Variants in SHISA6 observed in about 807,000 individuals in gnomAD.
SHISA6 encodes the protein protein shisa-6.
A neutral mutation model predicts 47.9 loss-of-function variants in SHISA6; 22 were observed. That is an observed-to-expected ratio of 0.46 (90% CI 0.33 to 0.66). SHISA6 has a LOEUF of 0.66. Ranked by LOEUF, SHISA6 falls within the 30% of genes least tolerant of loss-of-function variation. The probability of loss-of-function intolerance (pLI) is 0.02; values close to 1 mark genes in which losing one functional copy is unlikely to be tolerated. For missense variants in SHISA6, 680 were observed against 764.6 expected (o/e 0.89, Z 1.30); for synonymous variants, 388 against 337.8 (o/e 1.15, Z -1.63).
intron 3 of SHISA6, among the ~76,000 whole-genome samples, chr17:11,500,366 A>G (rs1221074754): frequency 6.6e-6 from 1 of 152,184 alleles, no homozygotes; most frequent in Non-Finnish European, 1.5e-5. Context: ...TTCCCATTGC[A>G]GTCTCTGTAA....
At chr17:11,555,335 C>T (rs1267921529) in intron 4 of SHISA6, among the ~76,000 whole-genome samples, 1 of 152,086 alleles carries the variant, frequency 6.6e-6, no homozygotes, top group African/African-American at 2.4e-5. Flanking sequence ...CAAGATTTTT[C>T]TGAGCCTGAG....
chr17:11,478,851 G>T (rs954120599), intron 3 of SHISA6, among the ~76,000 whole-genome samples: 5 of 144,370 alleles, frequency 3.5e-5, no homozygotes, highest in African/African-American at 1.3e-4. Context: ...AAGTCAGGTA[G>T]TGTGATGCCT....
In SHISA6 at chr17:11,374,357, T is replaced by A. The variant is rs559538563; in HGVS notation, c.800-5057T>A. 2.6e-5 allele frequency among the ~76,000 whole-genome samples: 4 copies of A among 152,338 alleles called. No individual in the cohort carries two copies. The East Asian group carries it at 7.7e-4, about 29-fold the overall frequency. The stretch of plus-strand genomic sequence containing the variant: ...TTTTGATGTACCACAGTTTAAAATT[T>A]TTTTTTGTTTTCTCTCTAGTTTTTG... On this transcript the variant is annotated intron_variant, in intron 2 of 5. Coordinates refer to ENST00000441885, the MANE Select transcript of SHISA6 (RefSeq NM_207386.4).
At chr17:11,407,997 C>T (rs1341607467) in intron 3 of SHISA6, among the ~76,000 whole-genome samples, 1 of 152,116 alleles carries the variant, frequency 6.6e-6, no homozygotes, top group Admixed American at 6.5e-5. Flanking sequence ...CATTTCTTCC[C>T]CGACACCATC....
rs138661902 is a variant in SHISA6, at chr17:11,555,988, G to A, written c.1105+96G>A. 204 of 1,349,212 alleles carry A rather than the reference G, an allele frequency of 1.5e-4. No homozygotes were observed. In the African/African-American group the frequency reaches 2.8e-3, roughly 18 times the overall value. 83.6% of individuals were successfully genotyped at this position (1,349,212 alleles called of 1,614,324 possible). ...TTGCTCCATACCCCATAGGACAGCTGTCAAATCCCAAGAATAAAGAAGGAG... is the reference window on the plus strand; with the variant it reads ...TTGCTCCATACCCCATAGGACAGCTATCAAATCCCAAGAATAAAGAAGGAG... On this transcript the variant is annotated intron_variant, in intron 5 of 5. Coordinates refer to ENST00000441885, the MANE Select transcript of SHISA6 (RefSeq NM_207386.4).
intron 2 of SHISA6, among the ~76,000 whole-genome samples, chr17:11,299,449 C>T (rs866364324): frequency 7.9e-5 from 12 of 151,906 alleles, no homozygotes; most frequent in East Asian, 1.9e-4. Context: ...AACAAATTAC[C>T]GCAGATTTAA....
chr17:11,472,131 C>T (rs2142322835), intron 3 of SHISA6, among the ~76,000 whole-genome samples: 1 of 152,246 alleles, frequency 6.6e-6, no homozygotes, highest in Non-Finnish European at 1.5e-5. Context: ...GATCTTTTTA[C>T]TATTTACATG....
At chr17:11,467,566 C>A (rs1318201263) in intron 3 of SHISA6, among the ~76,000 whole-genome samples, 1 of 152,142 alleles carries the variant, frequency 6.6e-6, no homozygotes, top group Non-Finnish European at 1.5e-5. Flanking sequence ...ATTGTGATAT[C>A]CAAATCTAAT....
intron 2 of SHISA6, among the ~76,000 whole-genome samples, chr17:11,297,800 C>T (rs540590213): frequency 1.3e-5 from 2 of 152,258 alleles, no homozygotes; most frequent in South Asian, 4.2e-4. Context: ...GGAATGGAAT[C>T]CCTAAATGAA....
At chr17:11,405,087 A>C (rs898380673) in intron 3 of SHISA6, among the ~76,000 whole-genome samples, 1 of 152,224 alleles carries the variant, frequency 6.6e-6, no homozygotes, top group African/African-American at 2.4e-5. Flanking sequence ...ACTTAAAAAA[A>C]ATATGCAAAA....
intron 2 of SHISA6, among the ~76,000 whole-genome samples, chr17:11,277,318 A>ACACACACACACACACACC (rs1389004430): frequency 3.1e-5 from 4 of 127,980 alleles, no homozygotes; most frequent in East Asian, 2.3e-4. Context: ...ACACACACAC[A>ACACACACACACACACACC]CCCCGCATGT....
At chr17:11,254,552 C>T (rs996347802) in intron 1 of SHISA6, among the ~76,000 whole-genome samples, 1 of 152,198 alleles carries the variant, frequency 6.6e-6, no homozygotes, top group African/African-American at 2.4e-5. Context: ...GTGACTCTCT[C>T]TTTTGGCACC....
rs1567632010 is a variant in SHISA6 at position 11,533,974 on chromosome 17, T to TTTG, written c.896-17920_896-17919insGTT. Among the ~76,000 whole-genome samples, 45 of 150,730 alleles carry TTTG rather than the reference T, an allele frequency of 3.0e-4. No homozygotes were observed. The East Asian group carries it at 4.4e-3, about 15-fold the overall frequency. ...CAGACTAGTATTTATTCTAACTTTT[T>TTTG]TTTGTTTGTTTTTGTTTTTTGAGAT... On this transcript the variant is annotated intron_variant, in intron 3 of 5. Coordinates refer to ENST00000441885, the MANE Select transcript of SHISA6 (RefSeq NM_207386.4).
At chr17:11,518,403 G>A (rs1295048194) in intron 3 of SHISA6, among the ~76,000 whole-genome samples, 2 of 152,032 alleles carry the variant, frequency 1.3e-5, no homozygotes, top group African/African-American at 2.4e-5. Context: ...TTAAAAGGCT[G>A]GGGACAGAGA....
chr17:11,365,458 A>G (rs186503261), intron 2 of SHISA6, among the ~76,000 whole-genome samples: 2 of 152,190 alleles, frequency 1.3e-5, no homozygotes, highest in East Asian at 3.9e-4. Context: ...TTGTATTTTT[A>G]GTAGAGATGG....
chr17:11,294,734 A>G (rs1488396187), intron 2 of SHISA6, among the ~76,000 whole-genome samples: 1 of 152,152 alleles, frequency 6.6e-6, no homozygotes, highest in Non-Finnish European at 1.5e-5. Context: ...CAAACCTTAT[A>G]TATACCCTGC....
rs368246088 is a variant in SHISA6, at chr17:11,512,853, G to A, written c.896-39043G>A. 2.5e-4 allele frequency among the ~76,000 whole-genome samples: 38 copies of A among 152,018 alleles called. No individual in the cohort carries two copies. In the East Asian group the frequency reaches 5.0e-3, roughly 20 times the overall value. Reference sequence around the variant, plus strand: ...TATGAGTTGTAAAGGCTGAGGGATCGTCTATTGCTTGGCATTCTATATTTT... The same window carrying A: ...TATGAGTTGTAAAGGCTGAGGGATCATCTATTGCTTGGCATTCTATATTTT... On this transcript the variant is annotated intron_variant, in intron 3 of 5. Transcript: ENST00000441885.
chr17:11,472,119 C>T (rs565224371), intron 3 of SHISA6, among the ~76,000 whole-genome samples: 5 of 152,248 alleles, frequency 3.3e-5, no homozygotes, highest in Admixed American at 3.3e-4. Context: ...CTGGCAACCA[C>T]TGATCTTTTT....
chr17:11,287,221 AAAG>A (rs1382528581), intron 2 of SHISA6, among the ~76,000 whole-genome samples: 2 of 151,066 alleles, frequency 1.3e-5, no homozygotes, highest in Non-Finnish European at 2.9e-5. Flanking sequence ...GAAAAGAAAG[AAAG>A]AAAGAAAGAA....
Sources: allele counts gnomAD v4.1 joint callset (sites outside exome capture counted in the v4.1 genomes callset), GRCh38; gene constraint gnomAD v4.1.1; transcripts MANE v1.5; gene names NCBI Gene and HGNC (gene_info 2026-07-23, HGNC 2026-07-21).